The following MSRA variants were observed in gnomAD, a reference collection of about 807,000 sequenced individuals.
The protein encoded by MSRA is methionine sulfoxide reductase A, also known as mitochondrial peptide methionine sulfoxide reductase.
Under a neutral mutation model 31.3 loss-of-function variants are expected in MSRA, and 54 were observed. The ratio of observed to expected loss-of-function variants is 1.73; its 90% CI spans 1.39 to 2.17. The LOEUF (loss-of-function observed/expected upper bound fraction) is 2.17. MSRA is among the 30% of genes most tolerant of loss of function. MSRA has a pLI of 0.00. For missense variants in MSRA, 507 were observed against 300.9 expected (o/e 1.69, Z -5.07); for synonymous variants, 169 against 116.5 (o/e 1.45, Z -2.90).
At chr8:10,116,102 G>C (rs1300562570) in intron 1 of MSRA, among the ~76,000 whole-genome samples, 1 of 152,114 alleles carries the variant, frequency 6.6e-6, no homozygotes, top group African/African-American at 2.4e-5. Context: ...ATGGCTTGAA[G>C]CTACATGTCA....
chr8:10,269,438 T>A (rs1798915516), intron 3 of MSRA, among the ~76,000 whole-genome samples: 2 of 152,224 alleles, frequency 1.3e-5, no homozygotes, highest in South Asian at 4.1e-4. Context: ...GATTACTCGA[T>A]CACTTCTGTA....
intron 1 of MSRA, among the ~76,000 whole-genome samples, chr8:10,061,931 G>T (rs1797213772): frequency 6.6e-6 from 1 of 152,226 alleles, no homozygotes; most frequent in Non-Finnish European, 1.5e-5. Context: ...ATTAAGCTCA[G>T]TGCAGTCCAC....
chr8:10,192,380 C>T (rs1807584375), intron 1 of MSRA, among the ~76,000 whole-genome samples: 1 of 152,174 alleles, frequency 6.6e-6, no homozygotes, highest in South Asian at 2.1e-4. Flanking sequence ...GGATCCTCCC[C>T]CTACCAAGCC....
intron 3 of MSRA, among the ~76,000 whole-genome samples, chr8:10,248,431 G>T (rs1797741157): frequency 6.6e-6 from 1 of 152,138 alleles, no homozygotes; most frequent in Admixed American, 6.6e-5. Flanking sequence ...CCTCTTATGT[G>T]ATGACGCACA....
At chr8:10,295,316 C>T (rs77090777) in intron 3 of MSRA, among the ~76,000 whole-genome samples, 1 of 152,136 alleles carries the variant, frequency 6.6e-6, no homozygotes, top group Non-Finnish European at 1.5e-5. Context: ...GGGACCGTCG[C>T]ACTGCGCTGC....
intron 1 of MSRA, among the ~76,000 whole-genome samples, chr8:10,120,183 C>T (rs1363431072): frequency 6.6e-6 from 1 of 152,122 alleles, no homozygotes; most frequent in Non-Finnish European, 1.5e-5. Flanking sequence ...AGAGAGTGGT[C>T]CCAGCAGAGC....
intron 3 of MSRA, among the ~76,000 whole-genome samples, chr8:10,284,489 C>A (rs1026882648): frequency 1.3e-5 from 2 of 152,228 alleles, no homozygotes; most frequent in African/African-American, 4.8e-5. Flanking sequence ...CCAACATGCC[C>A]GGCACGGAAT....
At chr8:10,397,166 G>C (rs975145828) in intron 5 of MSRA, among the ~76,000 whole-genome samples, 2 of 152,178 alleles carry the variant, frequency 1.3e-5, no homozygotes, top group Non-Finnish European at 2.9e-5. Context: ...TTGACCTTCT[G>C]CTAGAATGTA....
intron 1 of MSRA, among the ~76,000 whole-genome samples, chr8:10,144,598 C>G (rs758594321): frequency 9.9e-5 from 15 of 151,910 alleles, no homozygotes; most frequent in Admixed American, 2.0e-4. Context: ...GCGCTTCCCC[C>G]CCTCCTCCCC....
At chr8:10,093,404 T>A (rs978362577) in intron 1 of MSRA, among the ~76,000 whole-genome samples, 2 of 152,184 alleles carry the variant, frequency 1.3e-5, no homozygotes, top group African/African-American at 4.8e-5. Context: ...TATAACAATC[T>A]AATTCAGATT....
intron 5 of MSRA, among the ~76,000 whole-genome samples, chr8:10,391,053 T>A (rs1204471681): frequency 6.6e-6 from 1 of 151,976 alleles, no homozygotes; most frequent in Admixed American, 6.6e-5. Context: ...TCAAATGTAC[T>A]TCACGTTCTG....
chr8:10,278,188 A>C (rs79546252), intron 3 of MSRA, among the ~76,000 whole-genome samples: 1,678 of 152,254 alleles, frequency 0.011, 22 homozygotes, highest in Middle Eastern at 0.037. Context: ...AGCTGGGTAC[A>C]GCAGGGGTGG....
intron 1 of MSRA, among the ~76,000 whole-genome samples, chr8:10,174,502 C>G (rs548397599): frequency 1.3e-5 from 2 of 152,068 alleles, no homozygotes; most frequent in Non-Finnish European, 2.9e-5. Flanking sequence ...CACTGGAGGC[C>G]TCTTCTCCCA....
At chr8:10,192,514 A>C (rs1807597506) in intron 1 of MSRA, among the ~76,000 whole-genome samples, 1 of 152,208 alleles carries the variant, frequency 6.6e-6, no homozygotes, top group Non-Finnish European at 1.5e-5. Flanking sequence ...TGTACCTTGC[A>C]ATTGAACAGT....
intron 2 of MSRA, among the ~76,000 whole-genome samples, chr8:10,209,133 G>C (rs944437644): frequency 6.6e-6 from 1 of 152,232 alleles, no homozygotes. Flanking sequence ...AAATGGAGAA[G>C]TTGATTTTGT....
intron 2 of MSRA, among the ~76,000 whole-genome samples, chr8:10,222,636 A>G (rs1418040139): frequency 6.6e-6 from 1 of 152,206 alleles, no homozygotes; most frequent in Non-Finnish European, 1.5e-5. Flanking sequence ...ATATATACAC[A>G]ATGGAATACG....
chr8:10,320,656 G>T (rs1371988729), intron 5 of MSRA, among the ~76,000 whole-genome samples: 2 of 152,100 alleles, frequency 1.3e-5, no homozygotes, highest in African/African-American at 4.8e-5. Context: ...TCACAGCCTG[G>T]TTAGTTTAAA....
intron 5 of MSRA, among the ~76,000 whole-genome samples, chr8:10,421,670 A>G (rs1316009022): frequency 1.3e-5 from 2 of 152,052 alleles, no homozygotes; most frequent in Non-Finnish European, 2.9e-5. Context: ...GACGGATGGG[A>G]CCTGCTGTGC....
intron 1 of MSRA, among the ~76,000 whole-genome samples, chr8:10,143,586 C>T (rs906312979): frequency 7.9e-5 from 12 of 152,156 alleles, no homozygotes; most frequent in South Asian, 4.1e-4. Flanking sequence ...AACCCCGGGT[C>T]GCTCCCTGTC....
Sources: allele counts gnomAD v4.1 joint callset (sites outside exome capture counted in the v4.1 genomes callset), GRCh38; gene constraint gnomAD v4.1.1; transcripts MANE v1.5; gene names NCBI Gene and HGNC (gene_info 2026-07-23, HGNC 2026-07-21).